EPHA6: variants seen among roughly 807,000 people sequenced by gnomAD.
The protein encoded by EPHA6 is ephrin type-A receptor 6.
A neutral mutation model predicts 112.0 loss-of-function variants in EPHA6; 50 were observed. The observed-to-expected ratio is 0.45, with a 90% CI of 0.36 to 0.56. EPHA6 has a LOEUF of 0.56. EPHA6 is among the 20% of genes least tolerant of loss of function. The pLI, the probability that EPHA6 is intolerant of heterozygous loss-of-function variation, is 0.00. For synonymous variants in EPHA6, 529 were observed against 490.7 expected (o/e 1.08, Z -1.03); for missense variants, 1,280 against 1,417.4 (o/e 0.90, Z 1.56).
chr3:97,466,500 G>T, intron 7 of EPHA6: 1 of 1,183,474 alleles, frequency 8.4e-7, no homozygotes. Context: ...AAAAGTCAAA[G>T]GGGTAGTGTG....
chr3:96,863,680 C>A (rs1332047683), intron 1 of EPHA6, among the ~76,000 whole-genome samples: 3 of 151,890 alleles, frequency 2.0e-5, no homozygotes, highest in Admixed American at 2.0e-4. Context: ...AGTGAATATA[C>A]TTCACAGTTT....
At position 96,927,718 on chromosome 3, in the gene EPHA6, A is replaced by C. The variant is rs1323351154; in HGVS notation, c.451-59612A>C. On this transcript the variant is annotated intron_variant, in intron 2 of 17. Transcript: ENST00000389672. Reference sequence around the variant, plus strand: ...ATTCAGTAAGTCTCTAGGAGGTTCCAAATTTTCCCTCATCTCCCTGTTACC... The same window carrying C: ...ATTCAGTAAGTCTCTAGGAGGTTCCCAATTTTCCCTCATCTCCCTGTTACC... Among the ~76,000 whole-genome samples the C allele has an allele frequency of 2.0e-5, 3 of 152,180 alleles. No homozygotes were observed. In the East Asian group the frequency reaches 5.8e-4, roughly 29 times the overall value.
intron 4 of EPHA6, among the ~76,000 whole-genome samples, chr3:97,241,773 T>G (rs2078854985): frequency 6.7e-6 from 1 of 148,696 alleles, no homozygotes; most frequent in South Asian, 2.1e-4. Context: ...TTTTTTTTGT[T>G]TTTTTTTTTA....
intron 4 of EPHA6, among the ~76,000 whole-genome samples, chr3:97,238,704 G>A (rs998712832): frequency 6.6e-6 from 1 of 151,888 alleles, no homozygotes; most frequent in African/African-American, 2.4e-5. Flanking sequence ...AGTTCTGACA[G>A]ACGATAGCAA....
intron 5 of EPHA6, among the ~76,000 whole-genome samples, chr3:97,392,929 T>A (rs1246029915): frequency 6.6e-6 from 1 of 151,824 alleles, no homozygotes; most frequent in Non-Finnish European, 1.5e-5. Flanking sequence ...ATACCTAGGA[T>A]ATTTCTACAT....
At chr3:97,685,516 A>G (rs1176583225) in intron 14 of EPHA6, among the ~76,000 whole-genome samples, 2 of 152,196 alleles carry the variant, frequency 1.3e-5, no homozygotes, top group East Asian at 1.9e-4. Flanking sequence ...TGTGCTGTAC[A>G]TGGACATAAT....
At chr3:96,832,230 G>A (rs1045254637) in intron 1 of EPHA6, among the ~76,000 whole-genome samples, 10 of 152,010 alleles carry the variant, frequency 6.6e-5, no homozygotes, top group African/African-American at 2.4e-4. Flanking sequence ...ACTCGATTTA[G>A]AAGTGAATAT....
At chr3:97,549,916 T>G (rs2107706340) in intron 11 of EPHA6, among the ~76,000 whole-genome samples, 1 of 152,332 alleles carries the variant, frequency 6.6e-6, no homozygotes, top group African/African-American at 2.4e-5. Context: ...AATTCAATAA[T>G]CATTATTCAT....
chr3:97,644,840 G>T (rs1378763294), intron 14 of EPHA6, among the ~76,000 whole-genome samples: 1 of 151,994 alleles, frequency 6.6e-6, no homozygotes, highest in Non-Finnish European at 1.5e-5. Flanking sequence ...TGGATTCACA[G>T]CCGAATTCTA....
chr3:96,902,839 G>A (rs1226897974), intron 2 of EPHA6, among the ~76,000 whole-genome samples: 1 of 152,092 alleles, frequency 6.6e-6, no homozygotes, highest in Admixed American at 6.6e-5. Flanking sequence ...GCTACAAATT[G>A]TATTAATTTA....
chr3:97,096,590 G>A (rs1283954636), intron 3 of EPHA6, among the ~76,000 whole-genome samples: 1 of 151,832 alleles, frequency 6.6e-6, no homozygotes, highest in Non-Finnish European at 1.5e-5. Context: ...GGTTATGCCA[G>A]CCTGGGCATT....
At chr3:97,649,764 TCACACACACACA>T (rs3064341) in intron 14 of EPHA6, among the ~76,000 whole-genome samples, 1 of 148,034 alleles carries the variant, frequency 6.8e-6, no homozygotes, top group African/African-American at 2.5e-5. Flanking sequence ...AAATCACTAT[TCACACACACACA>T]CACACACACA....
intron 2 of EPHA6, among the ~76,000 whole-genome samples, chr3:96,901,717 A>G (rs906554973): frequency 1.3e-5 from 2 of 152,184 alleles, no homozygotes; most frequent in Non-Finnish European, 2.9e-5. Flanking sequence ...CAAGGAGAAC[A>G]AAGAGGATCC....
At chr3:97,001,042 T>C (rs1337240389) in intron 3 of EPHA6, among the ~76,000 whole-genome samples, 3 of 100,112 alleles carry the variant, frequency 3.0e-5, no homozygotes, top group African/African-American at 1.7e-4. Flanking sequence ...GCATGTGTGT[T>C]CGTATATATG....
At chr3:96,936,864 G>T (rs1007173099) in intron 2 of EPHA6, among the ~76,000 whole-genome samples, 8 of 151,986 alleles carry the variant, frequency 5.3e-5, no homozygotes, top group African/African-American at 1.9e-4. Flanking sequence ...GTGGTGTTTG[G>T]TATTTTGTCC....
At chr3:97,538,975 T>TTCTCTCTC (rs989264369) in intron 11 of EPHA6, among the ~76,000 whole-genome samples, 1 of 140,170 alleles carries the variant, frequency 7.1e-6, no homozygotes, top group African/African-American at 2.7e-5. Flanking sequence ...ACTGGACACT[T>TTCTCTCTC]TCTCTCTCTT....
chr3:97,007,821 T>C (rs951114601), intron 3 of EPHA6, among the ~76,000 whole-genome samples: 93 of 152,324 alleles, frequency 6.1e-4, no homozygotes, highest in African/African-American at 2.2e-3. Flanking sequence ...CCCTGAGCAT[T>C]TGTTTGTCTG....
chr3:97,354,067 C>A (rs2083944390), intron 5 of EPHA6, among the ~76,000 whole-genome samples: 2 of 152,196 alleles, frequency 1.3e-5, no homozygotes, highest in Admixed American at 1.3e-4. Flanking sequence ...CACAGCATTA[C>A]TAGGCTAGGG....
At chr3:97,228,227 T>C (rs1193818107) in intron 4 of EPHA6, among the ~76,000 whole-genome samples, 1 of 152,058 alleles carries the variant, frequency 6.6e-6, no homozygotes, top group African/African-American at 2.4e-5. Flanking sequence ...TGGGGGAAGT[T>C]CTTTTGTGGT....
Sources: allele counts gnomAD v4.1 joint callset (sites outside exome capture counted in the v4.1 genomes callset), GRCh38; gene constraint gnomAD v4.1.1; transcripts MANE v1.5; gene names NCBI Gene and HGNC (gene_info 2026-07-23, HGNC 2026-07-21).